TFAP4: variants seen among roughly 807,000 people sequenced by gnomAD.
The protein encoded by TFAP4 is activating enhancer-binding protein 4.
Under a neutral mutation model 40.4 loss-of-function variants are expected in TFAP4, and 7 were observed. The observed-to-expected ratio is 0.17, with a 90% CI of 0.10 to 0.33. The LOEUF (loss-of-function observed/expected upper bound fraction) is 0.33. Ranked by LOEUF, TFAP4 falls within the 10% of genes least tolerant of loss-of-function variation. The pLI is 1.00. For missense variants in TFAP4, 374 were observed against 451.1 expected (o/e 0.83, Z 1.55); for synonymous variants, 218 against 181.4 (o/e 1.20, Z -1.62).
intron 3 of TFAP4, 70 bp from the exon 4 acceptor site, chr16:4,262,019 G>T (rs942768938): frequency 6.8e-6 from 10 of 1,471,118 alleles, no homozygotes; most frequent in African/African-American, 1.4e-5. Context: ...GGGTTCCATC[G>T]CAGCCCCCCA....
intron 1 of TFAP4, among the ~76,000 whole-genome samples, chr16:4,271,168 G>A (rs1009981020): frequency 6.6e-6 from 1 of 152,246 alleles, no homozygotes; most frequent in Non-Finnish European, 1.5e-5. Context: ...GTATTGACTG[G>A]GAACTTCAGA....
In TFAP4 at chr16:4,260,224, T is replaced by TTACCCGGGGGGGGGGGGGGGG; in HGVS notation, c.687_688insCCCCCCCCCCCCCCCCGGGTA (p.Pro229_Thr230insProProProProProArgVal). 4.5e-6 allele frequency: 1 copy of TTACCCGGGGGGGGGGGGGGGG among 223,762 alleles called. No individual in the cohort carries two copies. The highest frequency in any genetic ancestry group is 7.9e-6 in the Non-Finnish European group (1 of 126,038). 13.9% of individuals were successfully genotyped at this position (223,762 alleles called of 1,614,324 possible). A position where few individuals can be genotyped will look rare whatever the true frequency, so the allele number is the denominator to read the frequency against. On this transcript the variant is annotated inframe_insertion, in exon 6 of 7. Coordinates refer to ENST00000204517, the MANE Select transcript of TFAP4 (RefSeq NM_003223.3). ...GGCACGATCACCGTGGGGTGGTGGG[T>TTACCCGGGGGGGGGGGGGGGG]GGGGGCCGGAGGGGGCAGAAGCTGC... is the stretch of plus-strand genomic sequence containing the variant.
At position 4,262,411 on chromosome 16, in the gene TFAP4, G is replaced by C; in HGVS notation, c.267C>G (p.Leu89=). Residue 89 remains leucine, a synonymous_variant, in exon 3 of 7, where the codon CTC becomes CTG. Transcript: ENST00000204517. ...DGEKLSKAAI[L]QQTAEYIFSL... ...AGAAGATGTACTCGGCTGTCTGCTGGAGAATGGCTGCCTGAGGGCGTGGAA... is the reference window on the plus strand; with the variant it reads ...AGAAGATGTACTCGGCTGTCTGCTGCAGAATGGCTGCCTGAGGGCGTGGAA... The C allele has an allele frequency of 1.9e-6, 3 of 1,614,238 alleles. No homozygotes were observed. Among genetic ancestry groups the C allele is most frequent in the East Asian group, 2.2e-5 (1 of 44,884 alleles).
chr16:4,267,773 A>C (rs2053009034), intron 1 of TFAP4, among the ~76,000 whole-genome samples: 1 of 152,214 alleles, frequency 6.6e-6, no homozygotes, highest in Non-Finnish European at 1.5e-5. Context: ...ATTCTCCCAA[A>C]CCCAAAAAAG....
chr16:4,260,061 C>A (rs780964489), intron 6 of TFAP4, 29 bp downstream of exon 6: 8 of 1,597,378 alleles, frequency 5.0e-6, no homozygotes, highest in Non-Finnish European at 6.0e-6. Flanking sequence ...ATGACCCCCA[C>A]AAGCTGCCCC....
chr16:4,257,850 C>T lies in TFAP4; in HGVS notation c.*205G>A. ...GCCCTGGGGTGCCGATGCTCCCACA[C>T]GCTCTGCGACACCCCAGCCCCGGGA... is the stretch of plus-strand genomic sequence containing the variant. On this transcript the variant is annotated 3_prime_UTR_variant, in exon 7 of 7. Transcript: ENST00000204517. The T allele has an allele frequency of 1.8e-6, 1 of 570,274 alleles. No homozygotes were observed. Among genetic ancestry groups the T allele is most frequent in the East Asian group, 3.2e-5 (1 of 31,062 alleles). 35.3% of individuals were successfully genotyped at this position (570,274 alleles called of 1,614,324 possible). A position where few individuals can be genotyped will look rare whatever the true frequency, so the allele number is the denominator to read the frequency against.
At chr16:4,260,266 G>A (rs2052934769) in intron 5 of TFAP4, 21 bp from the exon 6 acceptor site, 1 of 1,542,016 alleles carries the variant, frequency 6.5e-7, no homozygotes, top group African/African-American at 1.4e-5. Flanking sequence ...GAGGCCCTCA[G>A]CCTTTCTCTC....
chr16:4,269,414 A>C (rs1349433533), intron 1 of TFAP4, among the ~76,000 whole-genome samples: 1 of 145,116 alleles, frequency 6.9e-6, no homozygotes, highest in Non-Finnish European at 1.5e-5. Context: ...AATGGCGTGA[A>C]CCCGGGAGGC....
chr16:4,260,727 C>G (rs2052940746), intron 4 of TFAP4, 132 bp from the exon 5 acceptor site: 1 of 1,070,942 alleles, frequency 9.3e-7, no homozygotes, highest in Non-Finnish European at 1.3e-6. Context: ...AGGCCAGAAG[C>G]CTTTCCAGAG....
chr16:4,261,695 C>T (rs1280985990), intron 4 of TFAP4, 84 bp downstream of exon 4: 3 of 1,416,218 alleles, frequency 2.1e-6, no homozygotes, highest in African/African-American at 2.9e-5. Flanking sequence ...AGGGCTCCAC[C>T]GAGGGCCGCA....
rs1373587989 is a variant in TFAP4, at chr16:4,257,850, C to CGCTCT, written c.*200_*204dup. On this transcript the variant is annotated 3_prime_UTR_variant, in exon 7 of 7. Coordinates refer to ENST00000204517, the MANE Select transcript of TFAP4 (RefSeq NM_003223.3). ...GCCCTGGGGTGCCGATGCTCCCACA[C>CGCTCT]GCTCTGCGACACCCCAGCCCCGGGA... The CGCTCT allele has an allele frequency of 1.1e-5, 6 of 570,156 alleles. No homozygotes were observed. The highest frequency in any genetic ancestry group is 1.8e-5 in the Non-Finnish European group (6 of 330,690). The allele number at this position is 570,156 out of a possible 1,614,324, so 35.3% of individuals were successfully genotyped here. A position where few individuals can be genotyped will look rare whatever the true frequency, so the allele number is the denominator to read the frequency against.
intron 1 of TFAP4, chr16:4,268,112 A>G (rs980391014): frequency 1.3e-5 from 2 of 152,244 alleles, no homozygotes; most frequent in African/African-American, 4.8e-5. Flanking sequence ...GCTTCACTTC[A>G]CAGGGTCATG....
At chr16:4,260,281 C>A in intron 5 of TFAP4, 36 bp from the exon 6 acceptor site, 2 of 1,527,922 alleles carry the variant, frequency 1.3e-6, no homozygotes, top group South Asian at 1.3e-5. Flanking sequence ...TCTCTCAAGG[C>A]TTCTCTTGGC....
At chr16:4,264,833 T>C (rs930519807) in intron 1 of TFAP4, 1 of 152,376 alleles carries the variant, frequency 6.6e-6, no homozygotes, top group East Asian at 1.9e-4. Context: ...GCTGGGGCTC[T>C]TTGGAGGTAA....
chr16:4,262,077 GT>G (rs1426279892), intron 3 of TFAP4, 128 bp from the exon 4 acceptor site: 1 of 1,133,370 alleles, frequency 8.8e-7, no homozygotes, highest in East Asian at 2.6e-5. Flanking sequence ...CCTTCTGCAA[GT>G]CCAACAAACC....
chr16:4,261,296 T>C (rs2052945343), intron 4 of TFAP4, among the ~76,000 whole-genome samples: 1 of 151,690 alleles, frequency 6.6e-6, no homozygotes, highest in African/African-American at 2.4e-5. Context: ...TTTTTTTTTT[T>C]TGAGATGGAG....
intron 3 of TFAP4, 176 bp from the exon 4 acceptor site, chr16:4,262,125 A>T (rs1011554904): frequency 2.3e-5 from 20 of 879,452 alleles, no homozygotes; most frequent in Admixed American, 5.5e-5. Flanking sequence ...TTTACATAAC[A>T]GTCACCTGGC....
chr16:4,261,414 G>T (rs2052946343), intron 4 of TFAP4, among the ~76,000 whole-genome samples: 1 of 151,844 alleles, frequency 6.6e-6, no homozygotes, highest in South Asian at 2.1e-4. Flanking sequence ...CAAACAGCGG[G>T]GACTACAGGC....
intron 1 of TFAP4, among the ~76,000 whole-genome samples, chr16:4,271,545 G>A (rs1343741083): frequency 6.6e-6 from 1 of 152,250 alleles, no homozygotes; most frequent in Non-Finnish European, 1.5e-5. Context: ...AGTGTGCGGG[G>A]TGGTTTGGCT....
Sources: gnomAD v4.1 joint callset for allele counts (sites outside exome capture counted in the v4.1 genomes callset) on GRCh38, gnomAD v4.1.1 for gene constraint, MANE v1.5 for transcripts, NCBI Gene and HGNC (gene_info 2026-07-23, HGNC 2026-07-21) for gene names.